CLDN10: variants seen among roughly 807,000 people sequenced by gnomAD.
CLDN10 encodes the protein claudin-10.
In CLDN10, 15 loss-of-function variants were observed where a neutral mutation model predicts 22.9. That is an observed-to-expected ratio of 0.65 (90% CI 0.44 to 1.01). The LOEUF (loss-of-function observed/expected upper bound fraction) is 1.01. CLDN10 is among the 50% of genes least tolerant of loss of function. CLDN10 has a pLI of 0.00. For synonymous variants in CLDN10, 114 were observed against 111.4 expected (o/e 1.02, Z -0.15); for missense variants, 247 against 287.8 (o/e 0.86, Z 1.03).
intron 1 of CLDN10, among the ~76,000 whole-genome samples, chr13:95,519,102 T>C (rs2148047): frequency 0.86 from 131,481 of 152,252 alleles, 56,970 homozygotes; most frequent in East Asian, 0.96. Flanking sequence ...GAGCACAACA[T>C]ACATCAGGTA....
At chr13:95,561,884 G>GC (rs1208892906) in intron 3 of CLDN10, among the ~76,000 whole-genome samples, 4 of 150,336 alleles carry the variant, frequency 2.7e-5, no homozygotes, top group African/African-American at 9.8e-5. Flanking sequence ...TCCCACCTCA[G>GC]CCCCCCGAGT....
At chr13:95,482,759 C>G (rs1278567530) in intron 1 of CLDN10, among the ~76,000 whole-genome samples, 2 of 152,040 alleles carry the variant, frequency 1.3e-5, no homozygotes, top group Non-Finnish European at 2.9e-5. Context: ...GGTGGATCAC[C>G]TGAGGTCAGG....
upstream of CLDN10, among the ~76,000 whole-genome samples, chr13:95,551,334 G>C (rs530203970): frequency 8.7e-4 from 133 of 152,310 alleles, no homozygotes; most frequent in Admixed American, 2.1e-3. Context: ...GCACTGAACT[G>C]CTGGTCCTGA....
intron 1 of CLDN10, among the ~76,000 whole-genome samples, chr13:95,471,418 T>TACAC (rs1219762768): frequency 0.029 from 3,054 of 105,102 alleles, 44 homozygotes; most frequent in Non-Finnish European, 0.045. Flanking sequence ...CACACACATA[T>TACAC]ACACACACAC....
At chr13:95,518,828 A>C (rs1327389691) in intron 1 of CLDN10, among the ~76,000 whole-genome samples, 1 of 152,214 alleles carries the variant, frequency 6.6e-6, no homozygotes, top group Non-Finnish European at 1.5e-5. Context: ...GACTGCTCTA[A>C]GACAGAGTGG....
rs374690331 is a variant in CLDN10, at chr13:95,476,107, C to T, written c.214+42060C>T. ...GGAGCTGGTTTGGGAGGCGCAAAGG[C>T]ATGATAAACTCGATTTTGAATGTGT... On this transcript the variant is annotated intron_variant, in intron 1 of 4. Coordinates refer to the CLDN10 transcript ENST00000376873. Among the ~76,000 whole-genome samples, 170 of 152,242 alleles carry T rather than the reference C, an allele frequency of 1.1e-3. 6 individuals carry two copies. The South Asian group carries it at 0.029, about 26-fold the overall frequency.
chr13:95,510,921 T>G (rs2043090193), intron 1 of CLDN10, among the ~76,000 whole-genome samples: 1 of 152,236 alleles, frequency 6.6e-6, no homozygotes. Context: ...CAGGCCTCAG[T>G]CCTCCAAGTA....
At chr13:95,454,368 G>A (rs1438271200) in intron 1 of CLDN10, among the ~76,000 whole-genome samples, 1 of 152,178 alleles carries the variant, frequency 6.6e-6, no homozygotes, top group East Asian at 1.9e-4. Flanking sequence ...TTGAACCTGG[G>A]AGGTGGAGGT....
At chr13:95,471,025 A>G (rs2042625996) in intron 1 of CLDN10, among the ~76,000 whole-genome samples, 1 of 152,150 alleles carries the variant, frequency 6.6e-6, no homozygotes, top group African/African-American at 2.4e-5. Flanking sequence ...GAGACGAGAA[A>G]GGAGAGGTTA....
At chr13:95,512,900 G>A (rs1378279739) in intron 1 of CLDN10, among the ~76,000 whole-genome samples, 3 of 152,254 alleles carry the variant, frequency 2.0e-5, no homozygotes, top group South Asian at 4.1e-4. Flanking sequence ...TTTTGAGACA[G>A]GGTCTCTCTC....
At chr13:95,540,011 CT>C in intron 1 of CLDN10, among the ~76,000 whole-genome samples, 2 of 149,488 alleles carry the variant, frequency 1.3e-5, no homozygotes, top group South Asian at 4.3e-4. Flanking sequence ...AAAAATTAGC[CT>C]GACGTGGCCA....
At chr13:95,508,803 T>C (rs1228794376) in intron 1 of CLDN10, among the ~76,000 whole-genome samples, 3 of 152,218 alleles carry the variant, frequency 2.0e-5, no homozygotes, top group Non-Finnish European at 4.4e-5. Context: ...GGTAGTCTGG[T>C]GGGTTCCAGG....
intron 1 of CLDN10, among the ~76,000 whole-genome samples, chr13:95,476,887 TATTC>T (rs2042690412): frequency 6.6e-6 from 1 of 152,138 alleles, no homozygotes; most frequent in Non-Finnish European, 1.5e-5. Context: ...TTTGTTCACT[TATTC>T]ATTCAACAGT....
intron 1 of CLDN10, among the ~76,000 whole-genome samples, chr13:95,535,992 G>C (rs543944273): frequency 2.6e-4 from 40 of 152,282 alleles, no homozygotes; most frequent in African/African-American, 9.4e-4. Flanking sequence ...TTTGCCTATG[G>C]TGTTTCAGTG....
chr13:95,535,627 GA>G (rs2138614185), intron 1 of CLDN10, among the ~76,000 whole-genome samples: 1 of 152,018 alleles, frequency 6.6e-6, no homozygotes, highest in South Asian at 2.1e-4. Flanking sequence ...CCATACCTGC[GA>G]GCCACCAGGA....
chr13:95,507,883 A>G (rs1466953113), intron 1 of CLDN10, among the ~76,000 whole-genome samples: 1 of 152,084 alleles, frequency 6.6e-6, no homozygotes, highest in African/African-American at 2.4e-5. Context: ...TCGGCCTCCC[A>G]AAGTGCTGGG....
chr13:95,570,858 GTATATATATA>G (rs55861640), intron 3 of CLDN10, among the ~76,000 whole-genome samples: 14 of 119,726 alleles, frequency 1.2e-4, no homozygotes, highest in South Asian at 2.5e-4. Flanking sequence ...ATATACGTGT[GTATATATATA>G]TATATATATA....
At chr13:95,511,949 T>C (rs544277998) in intron 1 of CLDN10, among the ~76,000 whole-genome samples, 1 of 140,332 alleles carries the variant, frequency 7.1e-6, no homozygotes, top group East Asian at 2.0e-4. Flanking sequence ...GCTGCACCCA[T>C]TAACTCATCA....
rs1052533953 is a variant in CLDN10, at chr13:95,579,634, A to T, written c.*1620A>T. Reference sequence around the variant, plus strand: ...TATGAATCACAACGTGGGTGAATGTAGTATTTTCCTGAAGTGTGAAAGACT... The same window carrying T: ...TATGAATCACAACGTGGGTGAATGTTGTATTTTCCTGAAGTGTGAAAGACT... On this transcript the variant is annotated 3_prime_UTR_variant, in exon 5 of 5. Coordinates refer to ENST00000299339, the MANE Select transcript of CLDN10 (RefSeq NM_006984.5). 2.0e-5 allele frequency: 3 copies of T among 152,250 alleles called. No individual in the cohort carries two copies. The highest frequency in any genetic ancestry group is 2.0e-4 in the Admixed American group (3 of 15,280). 9.4% of individuals were successfully genotyped at this position (152,250 alleles called of 1,614,324 possible).
Sources: gnomAD v4.1 joint callset for allele counts (sites outside exome capture counted in the v4.1 genomes callset) on GRCh38, gnomAD v4.1.1 for gene constraint, MANE v1.5 for transcripts, NCBI Gene and HGNC (gene_info 2026-07-23, HGNC 2026-07-21) for gene names.